Variants in PCDH11X observed in about 807,000 individuals in gnomAD.
The protein encoded by PCDH11X is protocadherin 11 X-linked, also known as protocadherin-11 X-linked.
PCDH11X carries 18 observed loss-of-function variants against 53.3 expected under a neutral mutation model. The ratio of observed to expected loss-of-function variants is 0.34; its 90% CI spans 0.23 to 0.50. PCDH11X has a LOEUF of 0.50. PCDH11X is among the 20% of genes least tolerant of loss of function. PCDH11X has a pLI of 0.98. For synonymous variants in PCDH11X, 279 were observed against 393.3 expected (o/e 0.71, Z 3.44); for missense variants, 570 against 1,032.4 (o/e 0.55, Z 6.14).
chrX:92,236,901 G>T (rs1396097819), intron 7 of PCDH11X, among the ~76,000 whole-genome samples: 1 of 111,693 alleles, frequency 9.0e-6, no homozygotes, highest in Non-Finnish European at 1.9e-5. Context: ...TGCTCACTGA[G>T]ACTATCAATG....
chrX:92,259,055 A>G (rs1042569971), intron 7 of PCDH11X, among the ~76,000 whole-genome samples: 1 of 110,363 alleles, frequency 9.1e-6, no homozygotes, highest in African/African-American at 3.3e-5. Context: ...CAGCTTGGCT[A>G]TCTGTGTCCA....
intron 8 of PCDH11X, among the ~76,000 whole-genome samples, chrX:92,330,445 TG>T (rs2069438406): frequency 1.8e-5 from 2 of 111,327 alleles, no homozygotes; most frequent in Middle Eastern, 4.7e-3. Flanking sequence ...GGTGAGGATG[TG>T]GAGCAACTGG....
At chrX:91,972,488 A>G (rs2061977771) in intron 6 of PCDH11X, among the ~76,000 whole-genome samples, 1 of 108,220 alleles carries the variant, frequency 9.2e-6, no homozygotes, top group Non-Finnish European at 1.9e-5. Context: ...TTTTGTTGCC[A>G]TTGCTTTTGG....
intron 9 of PCDH11X, among the ~76,000 whole-genome samples, chrX:92,451,622 A>G (rs866140478): frequency 9.9e-5 from 11 of 111,540 alleles, no homozygotes; most frequent in African/African-American, 3.6e-4. Context: ...CTAAGTAGGC[A>G]TATTCTCAAG....
At chrX:92,316,839 G>A (rs1415750402) in intron 8 of PCDH11X, among the ~76,000 whole-genome samples, 2 of 110,146 alleles carry the variant, frequency 1.8e-5, no homozygotes, top group Non-Finnish European at 3.8e-5. Flanking sequence ...TAAAAACCAA[G>A]CAACTTCCTT....
intron 6 of PCDH11X, among the ~76,000 whole-genome samples, chrX:91,957,831 G>A: frequency 9.2e-6 from 1 of 108,364 alleles, no homozygotes; most frequent in South Asian, 4.2e-4. Context: ...TCCTCATCTG[G>A]ACTACCTGAA....
Position 91,936,673 on chromosome X carries a change from T to G in PCDH11X, c.3033+57400T>G, listed in dbSNP as rs755502524. On this transcript the variant is annotated intron_variant, in intron 6 of 10. Coordinates refer to ENST00000682573, the MANE Select transcript of PCDH11X (RefSeq NM_032968.5). ...GAAGGTGTTTGTTTATTTGTTTTTG[T>G]TTTTTGAGGGTCCTGAAAGGGATTA... Among the ~76,000 whole-genome samples the G allele has an allele frequency of 5.7e-5, 6 of 105,520 alleles. No homozygotes were observed. In the South Asian group the frequency reaches 2.4e-3, roughly 42 times the overall value. The allele number at this position is 105,520 out of a possible 115,157, so 91.6% of individuals were successfully genotyped here. A position where few individuals can be genotyped will look rare whatever the true frequency, so the allele number is the denominator to read the frequency against.
intron 6 of PCDH11X, among the ~76,000 whole-genome samples, chrX:92,190,844 C>T (rs2066180163): frequency 9.0e-6 from 1 of 111,316 alleles, no homozygotes; most frequent in South Asian, 3.7e-4. Flanking sequence ...TAAAATCTGA[C>T]GTGAAATAAA....
Position 92,484,147 on chromosome X carries a change from A to G in PCDH11X, c.3367+15825A>G, listed in dbSNP as rs867475870. The stretch of plus-strand genomic sequence containing the variant: ...TATATATGTATATATGTATGTATAT[A>G]TATGTATATATGTATATATGTATAT... On this transcript the variant is annotated intron_variant, in intron 10 of 10. Coordinates refer to ENST00000682573, the MANE Select transcript of PCDH11X (RefSeq NM_032968.5). 8.3e-4 allele frequency among the ~76,000 whole-genome samples: 31 copies of G among 37,402 alleles called. No individual in the cohort carries two copies. In the South Asian group the frequency reaches 0.022, roughly 26 times the overall value. The allele number at this position is 37,402 out of a possible 115,157, so 32.5% of individuals were successfully genotyped here.
At chrX:91,798,458 G>A (rs1391278522) in intron 1 of PCDH11X, among the ~76,000 whole-genome samples, 10 of 109,974 alleles carry the variant, frequency 9.1e-5, no homozygotes, top group African/African-American at 2.3e-4. Flanking sequence ...GCATGATGGC[G>A]GGCGCCTGTA....
At chrX:92,216,196 C>A (rs1396806635) in intron 7 of PCDH11X, among the ~76,000 whole-genome samples, 4 of 110,806 alleles carry the variant, frequency 3.6e-5, no homozygotes, top group Non-Finnish European at 5.7e-5. Flanking sequence ...CGGAACAAAG[C>A]TGGACAGAGA....
chrX:92,405,926 C>G (rs1414755217), intron 9 of PCDH11X, among the ~76,000 whole-genome samples: 2 of 109,653 alleles, frequency 1.8e-5, no homozygotes, highest in Admixed American at 9.7e-5. Flanking sequence ...AACCCCATCT[C>G]TACTAAAAAA....
chrX:92,347,106 T>G (rs1191938343), intron 8 of PCDH11X, among the ~76,000 whole-genome samples: 1 of 112,058 alleles, frequency 8.9e-6, no homozygotes, highest in Non-Finnish European at 1.9e-5. Context: ...AAGTATGTAT[T>G]GAGTTGCAGC....
At chrX:91,904,522 A>G (rs1941077057) in intron 6 of PCDH11X, among the ~76,000 whole-genome samples, 1 of 111,372 alleles carries the variant, frequency 9.0e-6, no homozygotes, top group African/African-American at 3.3e-5. Flanking sequence ...ATAAAATAGT[A>G]TAAATTAATT....
At chrX:92,265,606 C>T (rs534229064) in intron 8 of PCDH11X, among the ~76,000 whole-genome samples, 6 of 111,191 alleles carry the variant, frequency 5.4e-5, no homozygotes, top group East Asian at 2.8e-4. Context: ...TATAGGTATG[C>T]GTACATATAT....
intron 10 of PCDH11X, among the ~76,000 whole-genome samples, chrX:92,597,410 AAGT>A (rs1925745385): frequency 9.0e-6 from 1 of 111,150 alleles, no homozygotes; most frequent in Non-Finnish European, 1.9e-5. Flanking sequence ...TGAAATTAAA[AAGT>A]AGTCAAATTA....
intron 7 of PCDH11X, among the ~76,000 whole-genome samples, chrX:92,236,149 A>C (rs1393070357): frequency 9.0e-6 from 1 of 111,318 alleles, no homozygotes; most frequent in East Asian, 2.8e-4. Context: ...GATTACTGTG[A>C]CTATTTTGAA....
chrX:92,480,311 T>C (rs961297451), intron 10 of PCDH11X, among the ~76,000 whole-genome samples: 10 of 111,477 alleles, frequency 9.0e-5, no homozygotes, highest in African/African-American at 3.3e-4. Flanking sequence ...TGCATCTCAA[T>C]GATCTTAGTT....
At chrX:92,062,243 T>TAGAATG (rs2063534198) in intron 6 of PCDH11X, among the ~76,000 whole-genome samples, 1 of 111,468 alleles carries the variant, frequency 9.0e-6, no homozygotes, top group African/African-American at 3.3e-5. Flanking sequence ...TTCCTAGGTA[T>TAGAATG]AGAATGATAT....
Sources: allele counts gnomAD v4.1 joint callset (sites outside exome capture counted in the v4.1 genomes callset), GRCh38; gene constraint gnomAD v4.1.1; transcripts MANE v1.5; gene names NCBI Gene and HGNC (gene_info 2026-07-23, HGNC 2026-07-21).